TRPM2: variants seen among roughly 807,000 people sequenced by gnomAD.
TRPM2 encodes estrogen-responsive element-associated gene 1 protein.
Under a neutral mutation model 174.0 loss-of-function variants are expected in TRPM2, and 161 were observed. The ratio of observed to expected loss-of-function variants is 0.93; its 90% CI spans 0.81 to 1.05. TRPM2 has a LOEUF of 1.05. Ranked by LOEUF, TRPM2 falls within the 50% of genes least tolerant of loss-of-function variation. The pLI is 0.00. For synonymous variants in TRPM2, 954 were observed against 861.3 expected (o/e 1.11, Z -1.88); for missense variants, 2,057 against 2,038.0 (o/e 1.01, Z -0.18).
intron 3 of TRPM2, 70 bp downstream of exon 3, chr21:44,364,352 C>A: frequency 6.4e-7 from 1 of 1,561,788 alleles, no homozygotes; most frequent in South Asian, 1.2e-5. Flanking sequence ...ACGCGGTGGT[C>A]GGCATTTCCT....
At position 44,369,168 on chromosome 21, in the gene TRPM2, CTT is replaced by C; in HGVS notation, c.605-8_605-7del. On this transcript the variant is annotated splice_region_variant and splice_polypyrimidine_tract_variant and intron_variant, in intron 4 of 31. Coordinates refer to ENST00000397928, the MANE Select transcript of TRPM2 (RefSeq NM_003307.4). ...CTGTGGGGCCTGCCCACCCGTGCTC[CTT>C]CCCCAGGGGCCTGGATCATCACAGG... The C allele has an allele frequency of 6.3e-7, 1 of 1,596,952 alleles. No individual in the cohort carries two copies. The highest frequency in any genetic ancestry group is 8.5e-7 in the Non-Finnish European group (1 of 1,170,652).
rs2050728623 is a variant in TRPM2, at chr21:44,425,491, C to T, written c.3638-179C>T. The T allele has an allele frequency of 7.7e-6, 5 of 648,848 alleles. No homozygotes were observed. The East Asian group carries it at 1.3e-4, about 17-fold the overall frequency. The allele number at this position is 648,848 out of a possible 1,614,324, so 40.2% of individuals were successfully genotyped here. The stretch of plus-strand genomic sequence containing the variant: ...ACGCTGCCTGAGCTCCCGTGGCTGT[C>T]CTCCCTGGGGGCCCTGCCCACTTCA... On this transcript the variant is annotated intron_variant, in intron 24 of 31. Transcript: ENST00000397928.
At chr21:44,380,727 C>T (rs538981069) in intron 8 of TRPM2, among the ~76,000 whole-genome samples, 2 of 152,250 alleles carry the variant, frequency 1.3e-5, no homozygotes, top group African/African-American at 2.4e-5. Context: ...TGCTGGTGGG[C>T]GGCCCCGTCA....
intron 5 of TRPM2, among the ~76,000 whole-genome samples, chr21:44,372,029 G>A (rs1478089551): frequency 6.6e-6 from 1 of 152,168 alleles, no homozygotes; most frequent in African/African-American, 2.4e-5. Flanking sequence ...AGCTGAGGCA[G>A]AAGAATTGCT....
At chr21:44,396,040 AGGC>A (rs2049367718) in intron 12 of TRPM2, among the ~76,000 whole-genome samples, 1 of 29,934 alleles carries the variant, frequency 3.3e-5, no homozygotes. Context: ...AGGGCTGTGG[AGGC>A]TGTGGAGGGG....
At chr21:44,416,632 G>T in intron 20 of TRPM2, 1 of 193,004 alleles carries the variant, frequency 5.2e-6, no homozygotes, top group South Asian at 7.9e-5. Context: ...AAGTCTGTGT[G>T]CTTCTCCTTT....
At position 44,408,654 on chromosome 21, in the gene TRPM2, C is replaced by CTT. The variant is rs34026339; in HGVS notation, c.2962+1909_2962+1910dup. On this transcript the variant is annotated intron_variant, in intron 19 of 31. Transcript: ENST00000397928. ...GAAATGTCTCTCCCTCTCCTTTGCC[C>CTT]TTTTTTTTTTTTTTTTTTTTTCCGA... Among the ~76,000 whole-genome samples the CTT allele has an allele frequency of 1.5e-3, 158 of 102,698 alleles. 2 individuals are homozygous for CTT. The highest frequency in any genetic ancestry group is 0.011 in the Middle Eastern group (2 of 180). 67.4% of individuals were successfully genotyped at this position (102,698 alleles called of 152,430 possible). A position where few individuals can be genotyped will look rare whatever the true frequency, so the allele number is the denominator to read the frequency against.
intron 16 of TRPM2, among the ~76,000 whole-genome samples, chr21:44,403,768 T>C (rs58215425): frequency 0.035 from 5,196 of 149,280 alleles, 252 homozygotes; most frequent in African/African-American, 0.11. Context: ...TGCATACACA[T>C]ATACATGCAT....
In TRPM2 at chr21:44,423,689, G is replaced by A. The variant is rs777373264; in HGVS notation, c.3506G>A (p.Arg1169Lys). The A allele has an allele frequency of 1.2e-6, 2 of 1,612,826 alleles. No homozygotes were observed. Among genetic ancestry groups the A allele is most frequent in the Admixed American group, 1.7e-5 (1 of 59,914 alleles). Residue 1169 changes from arginine (R) to lysine (K), a missense_variant, in exon 23 of 32, where the codon AGG becomes AAG. Transcript: ENST00000397928. ...VDLLDLDPLK[R>K]SGSMEQRLAS... Reference sequence around the variant, plus strand: ...CTGCTGGACCTGGACCCACTGAAGAGGTCGGGCTCCATGGAGCAGAGGTTG... The same window carrying A: ...CTGCTGGACCTGGACCCACTGAAGAAGTCGGGCTCCATGGAGCAGAGGTTG...
chr21:44,411,472 A>G (rs147641935), intron 19 of TRPM2, among the ~76,000 whole-genome samples: 12 of 152,208 alleles, frequency 7.9e-5, no homozygotes, highest in African/African-American at 2.9e-4. Flanking sequence ...AAACTTCTTT[A>G]TTACTTTTAA....
chr21:44,401,772 T>G lies in TRPM2; in HGVS notation c.2413T>G (p.Ser805Ala). 1 of 1,613,724 alleles carries G rather than the reference T, an allele frequency of 6.2e-7. No individual in the cohort carries two copies. Among genetic ancestry groups the G allele is most frequent in the Non-Finnish European group, 8.5e-7 (1 of 1,180,004 alleles). ...GGTGGTCTTCCACCTGAACATCCTC[T>G]CCTACTTCGCCTTCCTCTGCCTGTT... is the stretch of plus-strand genomic sequence containing the variant. ...PVVVFHLNIL[S>A]YFAFLCLFAY... The change falls in exon 16 of 32, where the codon TCC (serine) becomes GCC (alanine). Residue 805 changes from serine to alanine, a missense_variant. By Grantham distance (99) the Ser-to-Ala change is moderately conservative. Transcript: ENST00000397928.
At chr21:44,401,545 C>T (rs879404069) in intron 15 of TRPM2, 136 bp from the exon 16 acceptor site, 22 of 850,064 alleles carry the variant, frequency 2.6e-5, no homozygotes, top group African/African-American at 5.0e-5. Context: ...GTTATGGCCC[C>T]GGATCCCTGA....
Position 44,364,256 on chromosome 21 carries a change from A to C in TRPM2, c.397A>C (p.Thr133Pro). ...CGATGCCTTTGGCGACATCGTCTTC[A>C]CGGGCCTGAGCCAGAAGGTGAAAAA... ...PTDAFGDIVF[T>P]GLSQKVKKYV... is the part of the protein sequence containing the mutation. Residue 133 changes from threonine (T) to proline (P), a missense_variant, in exon 3 of 32, where the codon ACG becomes CCG. By Grantham distance (38) the Thr-to-Pro change is conservative. Coordinates refer to ENST00000397928, the MANE Select transcript of TRPM2 (RefSeq NM_003307.4). 1 of 1,614,214 alleles carries C rather than the reference A, an allele frequency of 6.2e-7. No individual in the cohort carries two copies. The highest frequency in any genetic ancestry group is 8.5e-7 in the Non-Finnish European group (1 of 1,180,034).
Position 44,382,776 on chromosome 21 carries a change from G to T in TRPM2, c.1274G>T (p.Gly425Val), listed in dbSNP as rs1384146762. ...LLTVFREGKDGQQDVDVAILQ... is the reference protein window; with the variant it reads ...LLTVFREGKDVQQDVDVAILQ... ...ACTGTCTTCCGGGAAGGCAAGGATGGTCAGCAGGACGTGGATGTGGCCATC... is the reference window on the plus strand; with the variant it reads ...ACTGTCTTCCGGGAAGGCAAGGATGTTCAGCAGGACGTGGATGTGGCCATC... Residue 425 changes from glycine to valine, a missense_variant, in exon 9 of 32, where the codon GGT (glycine) becomes GTT (valine). Coordinates refer to ENST00000397928, the MANE Select transcript of TRPM2 (RefSeq NM_003307.4). 1.2e-6 allele frequency: 2 copies of T among 1,613,960 alleles called. No individual in the cohort carries two copies. The highest frequency in any genetic ancestry group is 1.3e-5 in the African/African-American group (1 of 74,934).
rs147919263 is a variant in TRPM2, at chr21:44,405,930, G to A, written c.2683G>A (p.Gly895Arg). ...CRLIPATLYP[G>R]RVILSLDFIL... ...GCTCATCCCGGCGACGCTGTACCCCGGGCGCGTCATCCTCTCTCTGGACTT... is the reference window on the plus strand; with the variant it reads ...GCTCATCCCGGCGACGCTGTACCCCAGGCGCGTCATCCTCTCTCTGGACTT... The change falls in exon 18 of 32, where the codon GGG becomes AGG. Residue 895 changes from glycine (G) to arginine (R), a missense_variant. Transcript: ENST00000397928. The A allele has an allele frequency of 1.4e-5, 22 of 1,605,814 alleles. No homozygotes were observed. Among genetic ancestry groups the A allele is most frequent in the Admixed American group, 3.3e-5 (2 of 59,924 alleles).
intron 2 of TRPM2, among the ~76,000 whole-genome samples, chr21:44,359,513 A>T (rs2048151721): frequency 1.4e-5 from 2 of 147,334 alleles, no homozygotes; most frequent in African/African-American, 5.0e-5. Flanking sequence ...CGTGGCGGGG[A>T]AACCTGTTTC....
At chr21:44,411,417 A>G (rs1330815026) in intron 19 of TRPM2, among the ~76,000 whole-genome samples, 1 of 152,178 alleles carries the variant, frequency 6.6e-6, no homozygotes, top group Non-Finnish European at 1.5e-5. Context: ...GTATGTAGAC[A>G]TACATTGTCT....
At chr21:44,356,149 T>C (rs1273621973) in intron 2 of TRPM2, among the ~76,000 whole-genome samples, 1 of 132,654 alleles carries the variant, frequency 7.5e-6, no homozygotes, top group Non-Finnish European at 1.6e-5. Flanking sequence ...CCCAAAGTGC[T>C]GGGATTACAG....
rs536057848 is a variant in TRPM2 at position 44,413,769 on chromosome 21, G to A, written c.2963-122G>A. On this transcript the variant is annotated intron_variant, in intron 19 of 31. Coordinates refer to ENST00000397928, the MANE Select transcript of TRPM2 (RefSeq NM_003307.4). ...AGGTGACAGCTGAGGTCACCCAAAT[G>A]AGCAGCATCAGGCCTGCGGGGGACC... The A allele has an allele frequency of 1.2e-5, 14 of 1,163,860 alleles. No homozygotes were observed. The African/African-American group carries it at 2.0e-4, about 17-fold the overall frequency. 72.1% of individuals were successfully genotyped at this position (1,163,860 alleles called of 1,614,324 possible). A position where few individuals can be genotyped will look rare whatever the true frequency, so the allele number is the denominator to read the frequency against.
Sources: allele counts gnomAD v4.1 joint callset (sites outside exome capture counted in the v4.1 genomes callset), GRCh38; gene constraint gnomAD v4.1.1; transcripts MANE v1.5; gene names NCBI Gene and HGNC (gene_info 2026-07-23, HGNC 2026-07-21).